The following VPS13C variants were observed in gnomAD, a reference collection of about 807,000 sequenced individuals.
The protein encoded by VPS13C is intermembrane lipid transfer protein VPS13C.
Under a neutral mutation model 456.8 loss-of-function variants are expected in VPS13C, and 358 were observed. The ratio of observed to expected loss-of-function variants is 0.78; its 90% CI spans 0.72 to 0.86. The LOEUF is 0.86. VPS13C is among the 40% of genes least tolerant of loss of function. The probability of loss-of-function intolerance (pLI) is 0.00; values close to 1 mark genes in which losing one functional copy is unlikely to be tolerated. For synonymous variants in VPS13C, 1,578 were observed against 1,486.7 expected, an observed-to-expected ratio of 1.06 and a Z score of -1.41; for missense variants, 4,818 against 4,385.4, an observed-to-expected ratio of 1.10 and a Z score of -2.79.
intron 13 of VPS13C, 24 bp from the exon 14 acceptor site, chr15:62,008,785 T>G: frequency 1.5e-6 from 2 of 1,360,000 alleles, no homozygotes; most frequent in Non-Finnish European, 2.0e-6. Flanking sequence ...AATAAAATTA[T>G]ATTTATTACA....
intron 16 of VPS13C, among the ~76,000 whole-genome samples, chr15:61,998,701 C>T (rs768813295): frequency 1.9e-4 from 29 of 152,198 alleles, no homozygotes; most frequent in Non-Finnish European, 4.0e-4. Context: ...GCATAACAGA[C>T]ACTCAGTGAG....
In VPS13C at chr15:61,869,482, T is replaced by C. The variant is rs376980053; in HGVS notation, c.10748+18A>G. 2.5e-6 allele frequency: 4 copies of C among 1,611,944 alleles called. No homozygotes were observed. The highest frequency in any genetic ancestry group is 3.4e-6 in the Non-Finnish European group (4 of 1,178,136). On this transcript the variant is annotated intron_variant, in intron 80 of 84. Transcript: ENST00000644861. ...AGCACACAGACACATACCTTGCACA[T>C]AGTATGTACTCAATTACCTCTGAAT...
At chr15:62,001,826 T>C (rs961963323) in intron 15 of VPS13C, among the ~76,000 whole-genome samples, 1 of 152,258 alleles carries the variant, frequency 6.6e-6, no homozygotes, top group Non-Finnish European at 1.5e-5. Flanking sequence ...ATTTCATCCA[T>C]GTCCCTACAA....
intron 9 of VPS13C, among the ~76,000 whole-genome samples, chr15:62,015,857 G>A (rs1266055828): frequency 6.7e-5 from 9 of 135,046 alleles, no homozygotes; most frequent in Admixed American, 1.6e-4. Flanking sequence ...TGGGTGCAGC[G>A]CACCAGCATG....
chr15:62,028,263 AAGGATGGCATGCCATCAAATG>A (rs2047703426), intron 6 of VPS13C, 74 bp downstream of exon 6: 1 of 1,321,162 alleles, frequency 7.6e-7, no homozygotes. Context: ...TATTTTCTAA[AAGGATGGCATGCCATCAAATG>A]GACTCCACCA....
At chr15:61,954,670 A>G in intron 37 of VPS13C, 116 bp from the exon 38 acceptor site, 1 of 995,218 alleles carries the variant, frequency 1.0e-6, no homozygotes, top group Non-Finnish European at 1.4e-6. Flanking sequence ...TCCACGAATT[A>G]GTAACAGCGC....
intron 37 of VPS13C, among the ~76,000 whole-genome samples, chr15:61,956,090 A>C (rs2044985991): frequency 6.6e-6 from 1 of 152,148 alleles, no homozygotes; most frequent in Non-Finnish European, 1.5e-5. Flanking sequence ...GCCCACTGAC[A>C]GTGGACTGAA....
In VPS13C at chr15:61,864,605, A is replaced by G. The variant is rs144313255; in HGVS notation, c.10864-1077T>C. 565 of 981,246 alleles carry G rather than the reference A, an allele frequency of 5.8e-4. 2 individuals are homozygous for G. The highest frequency in any genetic ancestry group is 5.3e-3 in the Middle Eastern group (10 of 1,902). 60.8% of individuals were successfully genotyped at this position (981,246 alleles called of 1,614,324 possible). A position where few individuals can be genotyped will look rare whatever the true frequency, so the allele number is the denominator to read the frequency against. On this transcript the variant is annotated intron_variant, in intron 81 of 84. Coordinates refer to ENST00000644861, the MANE Select transcript of VPS13C (RefSeq NM_020821.3). ...AGAAATCACATTTGATATTATTTCA[A>G]TGCTTAAATATACATTTTTTAAAGT...
Position 62,017,789 on chromosome 15 carries a change from G to A in VPS13C, c.684+2690C>T, listed in dbSNP as rs536145218. Among the ~76,000 whole-genome samples the A allele has an allele frequency of 1.2e-4, 18 of 152,206 alleles. No individual in the cohort carries two copies. The East Asian group carries it at 2.3e-3, about 20-fold the overall frequency. On this transcript the variant is annotated intron_variant, in intron 9 of 84. Transcript: ENST00000644861. ...TGTGGGCTCTTTTTTGGTTCCATAC[G>A]AACTTTAAAGTAGTTTTTTCCAATT...
rs766232529 is a variant in VPS13C, at chr15:62,060,321, A to G, written c.54T>C (p.Tyr18=). ...GCTGGGACTTGTTCAGGTTCTCCAC[A>G]TAGTCCCCCAGGAAGCGGTTCAGCA... ...ADLLNRFLGD[Y]VENLNKSQLK... Residue 18 remains tyrosine (Y), a synonymous_variant, in exon 1 of 85, where the codon TAT becomes TAC. Transcript: ENST00000644861. The G allele has an allele frequency of 5.6e-6, 9 of 1,607,494 alleles. No homozygotes were observed. The East Asian group carries it at 1.8e-4, about 32-fold the overall frequency.
At chr15:61,888,511 A>G (rs1178170097) in intron 67 of VPS13C, among the ~76,000 whole-genome samples, 1 of 152,216 alleles carries the variant, frequency 6.6e-6, no homozygotes, top group Admixed American at 6.5e-5. Flanking sequence ...ATGGACTATT[A>G]TTCAATAATA....
At chr15:61,905,427 C>G (rs2043127833) in intron 66 of VPS13C, among the ~76,000 whole-genome samples, 1 of 152,044 alleles carries the variant, frequency 6.6e-6, no homozygotes, top group African/African-American at 2.4e-5. Context: ...GTAATTTAAT[C>G]TGAATGTTTT....
rs1185809733 is a variant in VPS13C at position 61,972,640 on chromosome 15, C to G, written c.2742G>C (p.Lys914Asn). 6.2e-7 allele frequency: 1 copy of G among 1,612,706 alleles called. No individual in the cohort carries two copies. The highest frequency in any genetic ancestry group is 8.5e-7 in the Non-Finnish European group (1 of 1,179,362). The change falls in exon 27 of 85, where the codon AAG becomes AAC. Residue 914 changes from lysine (K) to asparagine (N), a missense_variant. This residue lies in a region of VPS13C where 4,552 missense variants were observed against 4,130.6 expected (regional missense o/e 1.10). Coordinates refer to ENST00000644861, the MANE Select transcript of VPS13C (RefSeq NM_020821.3). ...PNEELINLLL[K>N]FEIKEVILEF... ...AAGCACATACTTCTTTAATTTCAAA[C>G]TTGAGTAGAAGATTGATGAGCTCCT...
intron 66 of VPS13C, among the ~76,000 whole-genome samples, chr15:61,895,155 T>G (rs575155850): frequency 6.6e-6 from 1 of 152,002 alleles, no homozygotes; most frequent in Non-Finnish European, 1.5e-5. Context: ...AAAATTTTCT[T>G]AAAACAAATG....
At chr15:62,030,280 T>C (rs76118026) in intron 5 of VPS13C, among the ~76,000 whole-genome samples, 1,679 of 152,294 alleles carry the variant, frequency 0.011, 42 homozygotes, top group African/African-American at 0.039. Flanking sequence ...ATAGTCATAG[T>C]ACATTGATAT....
chr15:62,023,540 T>A lies in VPS13C; in HGVS notation c.515-20A>T, dbSNP rs774804096. On this transcript the variant is annotated intron_variant, in intron 7 of 84. Transcript: ENST00000644861. The stretch of plus-strand genomic sequence containing the variant: ...GCTTATCTATTAAAAAATAGAAAAA[T>A]ACAAGCTCAAGAGTTGAAATTCTCA... 6.6e-7 allele frequency: 1 copy of A among 1,522,514 alleles called. No individual in the cohort carries two copies. The allele number at this position is 1,522,514 out of a possible 1,614,324, so 94.3% of individuals were successfully genotyped here. A position where few individuals can be genotyped will look rare whatever the true frequency, so the allele number is the denominator to read the frequency against.
chr15:61,983,561 T>C (rs1412901055), intron 20 of VPS13C, among the ~76,000 whole-genome samples: 2 of 152,158 alleles, frequency 1.3e-5, no homozygotes, highest in East Asian at 3.8e-4. Flanking sequence ...TAAACAAGAA[T>C]TTTTAAAAGT....
chr15:61,954,321 T>A (rs2044907583), intron 38 of VPS13C, 100 bp downstream of exon 38: 1 of 1,344,204 alleles, frequency 7.4e-7, no homozygotes, highest in East Asian at 2.4e-5. Context: ...CCACATAGAT[T>A]TTTTTCATCA....
At chr15:61,893,020 C>G (rs1247329629) in intron 66 of VPS13C, among the ~76,000 whole-genome samples, 1 of 152,098 alleles carries the variant, frequency 6.6e-6, no homozygotes, top group Admixed American at 6.5e-5. Context: ...CTAAGAGTCA[C>G]TGGTGGTCAA....
Sources: gnomAD v4.1 joint callset for allele counts (sites outside exome capture counted in the v4.1 genomes callset) on GRCh38, gnomAD v4.1.1 for gene constraint, gnomAD v4.1.1 regional missense constraint, MANE v1.5 for transcripts, NCBI Gene and HGNC (gene_info 2026-07-23, HGNC 2026-07-21) for gene names.